Variants in PLAGL1 observed in about 807,000 individuals in gnomAD.
PLAGL1 encodes the protein zinc finger protein PLAGL1.
A neutral mutation model predicts 4.6 loss-of-function variants in PLAGL1; 1 was observed. The ratio of observed to expected loss-of-function variants is 0.22; its 90% CI spans 0.08 to 1.03. The LOEUF (loss-of-function observed/expected upper bound fraction) is 1.03, where lower values mean the gene tolerates loss of function less well. PLAGL1 is among the 50% of genes least tolerant of loss of function. The pLI is 0.58. For missense variants in PLAGL1, 464 were observed against 570.4 expected, an observed-to-expected ratio of 0.81 and a Z score of 1.90; for synonymous variants, 240 against 237.8, an observed-to-expected ratio of 1.01 and a Z score of -0.08.
chr6:143,942,930 A>C lies in PLAGL1; in HGVS notation c.153-267T>G, dbSNP rs1778958781. Reference sequence around the variant, plus strand: ...GCCCAGGCTGGAGTGCAGTGGCACGATCATGGCTCACTGCAGCCTCAACGT... The same window carrying C: ...GCCCAGGCTGGAGTGCAGTGGCACGCTCATGGCTCACTGCAGCCTCAACGT... On this transcript the variant is annotated intron_variant, in intron 7 of 7. Coordinates refer to ENST00000674357, the MANE Select transcript of PLAGL1 (RefSeq NM_001317162.2). The surrounding 1 kb of genome is among the most constrained non-coding windows in gnomAD (Gnocchi z 7.6). Among the ~76,000 whole-genome samples, 1 of 152,040 alleles carries C rather than the reference A, an allele frequency of 6.6e-6. No individual in the cohort carries two copies. Among genetic ancestry groups the C allele is most frequent in the Admixed American group, 6.5e-5 (1 of 15,274 alleles).
chr6:144,033,220 A>G (rs1170900452), intron 1 of PLAGL1, among the ~76,000 whole-genome samples: 2 of 152,256 alleles, frequency 1.3e-5, no homozygotes, highest in Non-Finnish European at 2.9e-5. Context: ...AGCCTGGAAT[A>G]TACAAAGAAT....
chr6:143,992,177 T>A (rs1790625017), intron 1 of PLAGL1, among the ~76,000 whole-genome samples: 1 of 152,206 alleles, frequency 6.6e-6, no homozygotes, highest in African/African-American at 2.4e-5. Context: ...CCCCGTATAG[T>A]TAGGAGGGGC....
chr6:143,996,484 A>G (rs532730318), intron 1 of PLAGL1, among the ~76,000 whole-genome samples: 7 of 152,356 alleles, frequency 4.6e-5, no homozygotes, highest in Middle Eastern at 3.4e-3. Context: ...ATGACTCCCC[A>G]GAATGAAAAC....
chr6:144,022,609 G>T lies in PLAGL1; in HGVS notation c.-151+41859C>A, dbSNP rs1429573645. On this transcript the variant is annotated intron_variant, in intron 1 of 3. Coordinates refer to the PLAGL1 transcript ENST00000437412. The surrounding 1 kb of genome is among the most constrained non-coding windows in gnomAD (Gnocchi z 4.2). ...GCTGGTAATTGAATCATGGGGACAG[G>T]TCTTTCCCATGCTGTTCTCACAATA... Among the ~76,000 whole-genome samples, 1 of 152,152 alleles carries T rather than the reference G, an allele frequency of 6.6e-6. No homozygotes were observed. The highest frequency in any genetic ancestry group is 1.5e-5 in the Non-Finnish European group (1 of 68,022).
chr6:143,980,727 C>T (rs1787751600), intron 2 of PLAGL1, among the ~76,000 whole-genome samples: 1 of 152,036 alleles, frequency 6.6e-6, no homozygotes, highest in Non-Finnish European at 1.5e-5. Flanking sequence ...TTGAATTTTC[C>T]TGCTTCTCTG....
At chr6:144,049,904 G>A (rs1295509903) in intron 1 of PLAGL1, among the ~76,000 whole-genome samples, 2 of 152,282 alleles carry the variant, frequency 1.3e-5, no homozygotes, top group East Asian at 3.9e-4. Context: ...TCATGAGGGA[G>A]AGGATAAATT....
At position 144,006,970 on chromosome 6, in the gene PLAGL1, A is replaced by G. The variant is rs1794340797; in HGVS notation, c.-584+1120T>C. ...TGTGTTTTACAAATTCTGATCATCC[A>G]TTTAAATGACTTTACGACCCACTAA... On this transcript the variant is annotated intron_variant, in intron 1 of 7. Transcript: ENST00000674357. The surrounding 1 kb of genome is among the most constrained non-coding windows in gnomAD (Gnocchi z 4.3). The G allele has an allele frequency of 6.6e-6, 1 of 152,212 alleles. No individual in the cohort carries two copies. The allele number at this position is 152,212 out of a possible 1,614,324, so 9.4% of individuals were successfully genotyped here.
At chr6:144,058,516 C>A (rs1799156576) in intron 1 of PLAGL1, among the ~76,000 whole-genome samples, 1 of 152,152 alleles carries the variant, frequency 6.6e-6, no homozygotes. Flanking sequence ...CCATTAAATT[C>A]CTAACTCATT....
intron 1 of PLAGL1, among the ~76,000 whole-genome samples, chr6:144,033,312 T>A (rs1378761924): frequency 6.6e-6 from 1 of 152,224 alleles, no homozygotes; most frequent in Non-Finnish European, 1.5e-5. Context: ...ATACCAGGTT[T>A]AAGCCACTAA....
chr6:143,969,359 A>C (rs1784998688), intron 2 of PLAGL1, among the ~76,000 whole-genome samples: 1 of 152,142 alleles, frequency 6.6e-6, no homozygotes, highest in African/African-American at 2.4e-5. Context: ...CCACATCACA[A>C]GACCCTTTTG....
chr6:143,949,580 C>G lies in PLAGL1; in HGVS notation c.-324-1120G>C, dbSNP rs753177855. Among the ~76,000 whole-genome samples, 2 of 152,230 alleles carry G rather than the reference C, an allele frequency of 1.3e-5. No homozygotes were observed. Among genetic ancestry groups the G allele is most frequent in the Non-Finnish European group, 2.9e-5 (2 of 68,038 alleles). ...CCTGCCAGGGTAAAGCCCTGGATCA[C>G]TACCACCCTGTGCTATTCTAGAGAG... On this transcript the variant is annotated intron_variant, in intron 6 of 7. Coordinates refer to ENST00000674357, the MANE Select transcript of PLAGL1 (RefSeq NM_001317162.2). The surrounding 1 kb of genome is among the most constrained non-coding windows in gnomAD (Gnocchi z 5.3).
chr6:144,061,679 A>G lies in PLAGL1; in HGVS notation c.-151+2789T>C, dbSNP rs981589060. 4.6e-5 allele frequency among the ~76,000 whole-genome samples: 7 copies of G among 152,212 alleles called. No homozygotes were observed. The highest frequency in any genetic ancestry group is 7.3e-5 in the Non-Finnish European group (5 of 68,036). On this transcript the variant is annotated intron_variant, in intron 1 of 3. Transcript: ENST00000437412. The surrounding 1 kb of genome is among the most constrained non-coding windows in gnomAD (Gnocchi z 4.4). ...ATACAGTTTTATTAAAATGTATATG[A>G]AAAAATAAGTCCCTGAGGAAGAAGT...
In PLAGL1 at chr6:143,960,872, A is replaced by G. The variant is rs1017093593; in HGVS notation, c.-398-330T>C. ...TTAAAACCAACAGTATTAAAATACC[A>G]TAAAACAGGTATGCAAATCTATGCA... is the stretch of plus-strand genomic sequence containing the variant. On this transcript the variant is annotated intron_variant, in intron 5 of 7. Transcript: ENST00000674357. The surrounding 1 kb of genome is among the most constrained non-coding windows in gnomAD (Gnocchi z 5.7). The G allele has an allele frequency of 1.3e-5, 2 of 152,262 alleles. No individual in the cohort carries two copies. Among genetic ancestry groups the G allele is most frequent in the African/African-American group, 4.8e-5 (2 of 41,476 alleles). The allele number at this position is 152,262 out of a possible 1,614,324, so 9.4% of individuals were successfully genotyped here.
rs1785637570 is a variant in PLAGL1 at position 143,972,574 on chromosome 6, G to C, written c.-543-3596C>G. On this transcript the variant is annotated intron_variant, in intron 2 of 7. Coordinates refer to ENST00000674357, the MANE Select transcript of PLAGL1 (RefSeq NM_001317162.2). The surrounding 1 kb of genome is among the most constrained non-coding windows in gnomAD (Gnocchi z 6.8). Reference sequence around the variant, plus strand: ...CACACTTCCAGTTACAATATCCCAAGAATATAAATATTTTAAAATAAATAT... The same window carrying C: ...CACACTTCCAGTTACAATATCCCAACAATATAAATATTTTAAAATAAATAT... Among the ~76,000 whole-genome samples the C allele has an allele frequency of 6.6e-6, 1 of 151,966 alleles. No homozygotes were observed. The highest frequency in any genetic ancestry group is 2.4e-5 in the African/African-American group (1 of 41,364).
chr6:143,969,954 T>A (rs1360060771), intron 2 of PLAGL1, among the ~76,000 whole-genome samples: 1 of 152,070 alleles, frequency 6.6e-6, no homozygotes, highest in African/African-American at 2.4e-5. Flanking sequence ...GCAAAATGTT[T>A]ACAGACTGAA....
At chr6:144,032,492 G>A (rs571872156) in intron 1 of PLAGL1, among the ~76,000 whole-genome samples, 3 of 152,002 alleles carry the variant, frequency 2.0e-5, no homozygotes, top group East Asian at 1.9e-4. Context: ...GAAATTTTAA[G>A]TTCTAAGTGG....
rs1797306095 is a variant in PLAGL1, at chr6:144,037,207, C to T, written c.-151+27261G>A. On this transcript the variant is annotated intron_variant, in intron 1 of 3. Coordinates refer to the PLAGL1 transcript ENST00000437412. ...AACAGAAAGACACCATGACAGACAACTCTCTAAAACAGAGCTAATCACTAC... is the reference window on the plus strand; with the variant it reads ...AACAGAAAGACACCATGACAGACAATTCTCTAAAACAGAGCTAATCACTAC... 2.0e-5 allele frequency: 3 copies of T among 153,302 alleles called. No homozygotes were observed. In the Admixed American group the frequency reaches 2.0e-4, roughly 10 times the overall value. 9.5% of individuals were successfully genotyped at this position (153,302 alleles called of 1,614,324 possible). A position where few individuals can be genotyped will look rare whatever the true frequency, so the allele number is the denominator to read the frequency against.
intron 1 of PLAGL1, among the ~76,000 whole-genome samples, chr6:144,052,811 T>C (rs1442526030): frequency 1.3e-5 from 2 of 152,192 alleles, no homozygotes; most frequent in African/African-American, 4.8e-5. Context: ...CTAGTTCTTA[T>C]GAAAAGAAAT....
chr6:143,990,213 C>T lies in PLAGL1; in HGVS notation c.-583-5039G>A, dbSNP rs368947369. Among the ~76,000 whole-genome samples the T allele has an allele frequency of 5.9e-5, 9 of 152,166 alleles. No homozygotes were observed. The highest frequency in any genetic ancestry group is 5.8e-4 in the East Asian group (3 of 5,180). ...TCAGCTCACTGCAACCTCCGCCTAC[C>T]GGGTTCAAGCGATTATCTTGCTTCA... On this transcript the variant is annotated intron_variant, in intron 1 of 7. Transcript: ENST00000674357. The surrounding 1 kb of genome is among the most constrained non-coding windows in gnomAD (Gnocchi z 5.4).
Sources: allele counts gnomAD v4.1 joint callset (sites outside exome capture counted in the v4.1 genomes callset), GRCh38; gene constraint gnomAD v4.1.1; non-coding constraint Gnocchi (gnomAD v3.1); transcripts MANE v1.5; gene names NCBI Gene and HGNC (gene_info 2026-07-23, HGNC 2026-07-21).